The following GATAD2B variants were observed in gnomAD, a reference collection of about 807,000 sequenced individuals.
The protein encoded by GATAD2B is GATA zinc finger domain containing 2B, also known as transcriptional repressor p66-beta.
A neutral mutation model predicts 64.3 loss-of-function variants in GATAD2B; 8 were observed. The ratio of observed to expected loss-of-function variants is 0.12; its 90% CI spans 0.07 to 0.22. The LOEUF (loss-of-function observed/expected upper bound fraction) is 0.22. Ranked by LOEUF, GATAD2B falls within the 10% of genes least tolerant of loss-of-function variation. The pLI, the probability that GATAD2B is intolerant of heterozygous loss-of-function variation, is 1.00. For missense variants in GATAD2B, 453 were observed against 752.0 expected (o/e 0.60, Z 4.65); for synonymous variants, 281 against 271.3 (o/e 1.04, Z -0.35).
At chr1:153,919,399 T>C (rs951770994) in intron 1 of GATAD2B, among the ~76,000 whole-genome samples, 1 of 152,194 alleles carries the variant, frequency 6.6e-6, no homozygotes, top group African/African-American at 2.4e-5. Context: ...CAGGAATATT[T>C]CATATATCCA....
intron 1 of GATAD2B, among the ~76,000 whole-genome samples, chr1:153,854,215 A>G (rs1676005217): frequency 6.6e-6 from 1 of 152,132 alleles, no homozygotes; most frequent in African/African-American, 2.4e-5. Context: ...GTCCTGGCTA[A>G]CATGGTAAAA....
At chr1:153,840,621 G>A (rs925737996) in intron 1 of GATAD2B, among the ~76,000 whole-genome samples, 1 of 152,196 alleles carries the variant, frequency 6.6e-6, no homozygotes, top group Non-Finnish European at 1.5e-5. Flanking sequence ...ACAGGTGTGA[G>A]CCACTGGGCC....
chr1:153,915,479 T>C (rs1351130349), intron 1 of GATAD2B, among the ~76,000 whole-genome samples: 1 of 151,284 alleles, frequency 6.6e-6, no homozygotes, highest in Non-Finnish European at 1.5e-5. Context: ...AAGAAGAAAA[T>C]GTATCTAACT....
intron 2 of GATAD2B, among the ~76,000 whole-genome samples, chr1:153,825,818 G>A (rs1052716268): frequency 1.3e-5 from 2 of 152,108 alleles, no homozygotes; most frequent in African/African-American, 4.8e-5. Context: ...ACATCAAAAG[G>A]TAGAGAAAGT....
chr1:153,907,521 A>G (rs1195154442), intron 1 of GATAD2B, among the ~76,000 whole-genome samples: 1 of 152,232 alleles, frequency 6.6e-6, no homozygotes, highest in Non-Finnish European at 1.5e-5. Flanking sequence ...GTTATAGTTC[A>G]ATATATACAA....
At chr1:153,852,357 G>A (rs570677649) in intron 1 of GATAD2B, 19 of 889,776 alleles carry the variant, frequency 2.1e-5, no homozygotes, top group Middle Eastern at 2.2e-4. Context: ...AGTAGATGTC[G>A]CCTGCCATCA....
rs1446694127 is a variant in GATAD2B at position 153,806,027 on chromosome 1, A to AT, written c.*4149dup. ...CCTGACAATCCACCCTCAAAGGCCC[A>AT]TAAGACTAGGTTCTTTCTTTTTTGA... On this transcript the variant is annotated 3_prime_UTR_variant, in exon 11 of 11. Transcript: ENST00000368655. 6 of 152,214 alleles carry AT rather than the reference A, an allele frequency of 3.9e-5. No homozygotes were observed. Among genetic ancestry groups the AT allele is most frequent in the Admixed American group, 3.9e-4 (6 of 15,282 alleles). 9.4% of individuals were successfully genotyped at this position (152,214 alleles called of 1,614,324 possible). A position where few individuals can be genotyped will look rare whatever the true frequency, so the allele number is the denominator to read the frequency against.
intron 1 of GATAD2B, among the ~76,000 whole-genome samples, chr1:153,893,984 C>G (rs1212311211): frequency 7.8e-6 from 1 of 127,714 alleles, no homozygotes; most frequent in Non-Finnish European, 1.7e-5. Context: ...AAAAAAAAAC[C>G]CAAAAAATGT....
At chr1:153,913,798 T>C (rs1678173331) in intron 1 of GATAD2B, among the ~76,000 whole-genome samples, 1 of 151,294 alleles carries the variant, frequency 6.6e-6, no homozygotes, top group South Asian at 2.1e-4. Context: ...CGGGCACCTG[T>C]AGTCTCAGCC....
At chr1:153,829,955 G>GCATGGTGGAGCCTA (rs1553189914) in intron 1 of GATAD2B, among the ~76,000 whole-genome samples, 3 of 151,526 alleles carry the variant, frequency 2.0e-5, no homozygotes, top group Admixed American at 6.6e-5. Context: ...CTAAAATTAG[G>GCATGGTGGAGCCTA]CATGGTGGAG....
At position 153,810,283 on chromosome 1, in the gene GATAD2B, C is replaced by A; in HGVS notation, c.1676G>T (p.Gly559Val). Reference sequence around the variant, plus strand: ...ACTGGGGCCTTTGTGTCCTCCGATGCCAGTATTCAAGTATGCAATGTTGAC... The same window carrying A: ...ACTGGGGCCTTTGTGTCCTCCGATGACAGTATTCAAGTATGCAATGTTGAC... ...PGVNIAYLNT[G>V]IGGHKGPSLA... is the part of the protein sequence containing the mutation. Residue 559 changes from glycine to valine, a missense_variant, in exon 11 of 11, where the codon GGC (glycine) becomes GTC (valine). Gly to Val is a moderately radical substitution (Grantham distance 109, BLOSUM62 -3). Transcript: ENST00000368655. The A allele has an allele frequency of 6.2e-7, 1 of 1,613,032 alleles. No individual in the cohort carries two copies. The highest frequency in any genetic ancestry group is 8.5e-7 in the Non-Finnish European group (1 of 1,179,660).
At chr1:153,863,425 G>A (rs1429733537) in intron 1 of GATAD2B, among the ~76,000 whole-genome samples, 6 of 151,448 alleles carry the variant, frequency 4.0e-5, no homozygotes, top group Admixed American at 1.3e-4. Context: ...GAACCCAGGA[G>A]GTGGAGGTTG....
intron 1 of GATAD2B, among the ~76,000 whole-genome samples, chr1:153,904,544 TTTTG>T (rs933364912): frequency 2.0e-5 from 3 of 152,160 alleles, no homozygotes; most frequent in South Asian, 2.1e-4. Context: ...TAATTTTTCT[TTTTG>T]TTTTTCTTTG....
At chr1:153,832,278 T>C (rs934299758) in intron 1 of GATAD2B, among the ~76,000 whole-genome samples, 2 of 151,336 alleles carry the variant, frequency 1.3e-5, no homozygotes, top group African/African-American at 4.9e-5. Context: ...AAATTAAAAG[T>C]GCTATTCCAA....
At chr1:153,894,431 G>A (rs567172304) in intron 1 of GATAD2B, among the ~76,000 whole-genome samples, 64 of 152,080 alleles carry the variant, frequency 4.2e-4, no homozygotes, top group African/African-American at 1.4e-3. Flanking sequence ...TCGTGCCGCC[G>A]CACTCCAGCA....
intron 5 of GATAD2B, 123 bp downstream of exon 5, chr1:153,817,889 TAAATCATGCCATAATGGGCCAACAGAAC>T (rs1674535654): frequency 1.5e-6 from 1 of 675,614 alleles, no homozygotes; most frequent in Non-Finnish European, 2.5e-6. Context: ...TACTGAAGAC[TAAATCATGCCATAATGGGCCAACAGAAC>T]AATCAGTAGT....
intron 1 of GATAD2B, among the ~76,000 whole-genome samples, chr1:153,907,748 C>T (rs1197375980): frequency 6.6e-6 from 1 of 150,618 alleles, no homozygotes; most frequent in Non-Finnish European, 1.5e-5. Flanking sequence ...AAGCAATTCT[C>T]CTGTCTCAGC....
At chr1:153,909,035 C>G (rs540429472) in intron 1 of GATAD2B, among the ~76,000 whole-genome samples, 1 of 151,952 alleles carries the variant, frequency 6.6e-6, no homozygotes, top group South Asian at 2.1e-4. Flanking sequence ...ATTCCCATCC[C>G]CACAAAATTT....
Position 153,901,978 on chromosome 1 carries a change from C to CAA in GATAD2B, c.-2+20753_-2+20754dup, listed in dbSNP as rs35731326. Among the ~76,000 whole-genome samples the CAA allele has an allele frequency of 4.1e-3, 377 of 92,296 alleles. 3 individuals are homozygous for CAA. Among genetic ancestry groups the CAA allele is most frequent in the African/African-American group, 0.013 (302 of 23,192 alleles). 60.5% of individuals were successfully genotyped at this position (92,296 alleles called of 152,430 possible). ...AGCAGGGGCCAATCAGACTCCGTCT[C>CAA]AAAAAAAAAAAAAAAAAAAAGGCCG... On this transcript the variant is annotated intron_variant, in intron 1 of 10. Transcript: ENST00000368655.
Sources: gnomAD v4.1 joint callset for allele counts (sites outside exome capture counted in the v4.1 genomes callset) on GRCh38, gnomAD v4.1.1 for gene constraint, MANE v1.5 for transcripts, NCBI Gene and HGNC (gene_info 2026-07-23, HGNC 2026-07-21) for gene names.